COL4A3: variants seen among roughly 807,000 people sequenced by gnomAD.
COL4A3 encodes the protein collagen type IV alpha 3 chain.
COL4A3 carries 135 observed loss-of-function variants against 217.4 expected under a neutral mutation model. The ratio of observed to expected loss-of-function variants is 0.62; its 90% CI spans 0.54 to 0.72. The LOEUF (loss-of-function observed/expected upper bound fraction) is 0.72, where lower values mean the gene tolerates loss of function less well. Among genes scored for constraint, COL4A3 ranks in the 30% least tolerant of loss-of-function variants. The pLI, the probability that COL4A3 is intolerant of heterozygous loss-of-function variation, is 0.00. For synonymous variants in COL4A3, 690 were observed against 736.3 expected (o/e 0.94, Z 1.02); for missense variants, 1,868 against 2,119.9 (o/e 0.88, Z 2.33).
chr2:227,181,335 T>C (rs2065861599), intron 1 of COL4A3, among the ~76,000 whole-genome samples: 1 of 152,180 alleles, frequency 6.6e-6, no homozygotes, highest in African/African-American at 2.4e-5. Context: ...TTTGTGCACA[T>C]TTACCGAGCA....
chr2:227,231,225 C>A (rs2068385846), intron 1 of COL4A3, among the ~76,000 whole-genome samples: 1 of 152,194 alleles, frequency 6.6e-6, no homozygotes, highest in Admixed American at 6.5e-5. Context: ...AAGCCTTTCA[C>A]AATGGCTCTT....
intron 11 of COL4A3, among the ~76,000 whole-genome samples, chr2:227,252,863 A>G (rs1314367848): frequency 6.6e-6 from 1 of 152,224 alleles, no homozygotes; most frequent in Non-Finnish European, 1.5e-5. Context: ...TGAAGTCGGT[A>G]GCTGGAATTC....
intron 48 of COL4A3, among the ~76,000 whole-genome samples, chr2:227,308,661 G>T (rs997236992): frequency 1.3e-5 from 2 of 152,176 alleles, no homozygotes; most frequent in Non-Finnish European, 2.9e-5. Context: ...GTTCTAAATC[G>T]ATTAGAAAGA....
chr2:227,189,940 C>A (rs1298787478), intron 1 of COL4A3, among the ~76,000 whole-genome samples: 1 of 152,064 alleles, frequency 6.6e-6, no homozygotes, highest in East Asian at 1.9e-4. Context: ...GTAATTCTTC[C>A]CCCCAAATCA....
chr2:227,172,138 A>G (rs766661744), intron 1 of COL4A3, among the ~76,000 whole-genome samples: 4 of 151,728 alleles, frequency 2.6e-5, no homozygotes, highest in Non-Finnish European at 4.4e-5. Flanking sequence ...GCTTGAGCCC[A>G]CTCTCCCAAC....
intron 19 of COL4A3, among the ~76,000 whole-genome samples, chr2:227,260,705 G>A (rs186412529): frequency 1.9e-4 from 29 of 152,282 alleles, no homozygotes; most frequent in African/African-American, 6.7e-4. Flanking sequence ...ATAACCCCCA[G>A]AATATTACAG....
At chr2:227,212,492 A>C (rs2067365631) in intron 1 of COL4A3, among the ~76,000 whole-genome samples, 1 of 152,210 alleles carries the variant, frequency 6.6e-6, no homozygotes, top group African/African-American at 2.4e-5. Context: ...ATGAATGACC[A>C]ATGCACTCAG....
At chr2:227,196,609 G>C (rs10198415) in intron 1 of COL4A3, among the ~76,000 whole-genome samples, 138,546 of 152,130 alleles carry the variant, frequency 0.91, 63,188 homozygotes, top group East Asian at 1. Flanking sequence ...AAGCCACTGC[G>C]CCTGGCCGTT....
At position 227,194,072 on chromosome 2, in the gene COL4A3, G is replaced by A. The variant is rs1010500385; in HGVS notation, c.87+29259G>A. The stretch of plus-strand genomic sequence containing the variant: ...GAAGGAGAGGAGAAGGAGAAGGGAA[G>A]TAAGGAGAGAGGGAGGGAGGAAAGA... On this transcript the variant is annotated intron_variant, in intron 1 of 51. Transcript: ENST00000396578. Among the ~76,000 whole-genome samples the A allele has an allele frequency of 3.7e-3, 277 of 74,816 alleles. 1 individual carries two copies. The highest frequency in any genetic ancestry group is 6.5e-3 in the Middle Eastern group (1 of 154). The allele number at this position is 74,816 out of a possible 152,430, so 49.1% of individuals were successfully genotyped here. A position where few individuals can be genotyped will look rare whatever the true frequency, so the allele number is the denominator to read the frequency against.
chr2:227,310,661 A>C, intron 50 of COL4A3, 115 bp from the exon 51 acceptor site: 1 of 851,772 alleles, frequency 1.2e-6, no homozygotes. Context: ...GCTCATGATC[A>C]TTCCTCCCCT....
intron 37 of COL4A3, among the ~76,000 whole-genome samples, chr2:227,291,558 G>A (rs867569640): frequency 2.0e-5 from 2 of 99,246 alleles, no homozygotes; most frequent in African/African-American, 1.0e-4. Flanking sequence ...GCGAGACTCC[G>A]TCTCAAAAAA....
At chr2:227,294,919 G>A in intron 39 of COL4A3, 45 bp from the exon 40 acceptor site, 3 of 1,424,092 alleles carry the variant, frequency 2.1e-6, no homozygotes, top group Non-Finnish European at 2.9e-6. Context: ...TCCTCTTTTT[G>A]TATACCATAG....
At chr2:227,184,884 C>T (rs1335244439) in intron 1 of COL4A3, among the ~76,000 whole-genome samples, 3 of 143,544 alleles carry the variant, frequency 2.1e-5, no homozygotes, top group Admixed American at 7.1e-5. Flanking sequence ...ATGGCTGCCT[C>T]ACTGGCCTTT....
intron 1 of COL4A3, among the ~76,000 whole-genome samples, chr2:227,180,487 C>T (rs201825577): frequency 1.3e-5 from 2 of 152,150 alleles, no homozygotes; most frequent in Admixed American, 1.3e-4. Flanking sequence ...GAGCAGCATC[C>T]CCACACCCTA....
intron 24 of COL4A3, 89 bp downstream of exon 24, chr2:227,270,069 G>T: frequency 9.0e-7 from 1 of 1,114,216 alleles, no homozygotes. Flanking sequence ...CCAGTTTGGT[G>T]CCTTGCAAAC....
In COL4A3 at chr2:227,297,268, A is replaced by T. The variant is rs534944807; in HGVS notation, c.3566-406A>T. Among the ~76,000 whole-genome samples, 27 of 152,370 alleles carry T rather than the reference A, an allele frequency of 1.8e-4. No individual in the cohort carries two copies. The East Asian group carries it at 3.9e-3, about 22-fold the overall frequency. On this transcript the variant is annotated intron_variant, in intron 41 of 51. Coordinates refer to ENST00000396578, the MANE Select transcript of COL4A3 (RefSeq NM_000091.5). ...TCAGTGACTCAACAATGTCAACATG[A>T]CTAAGTTAATCAGCTGATAATAACT...
intron 1 of COL4A3, among the ~76,000 whole-genome samples, chr2:227,205,834 G>A (rs77399987): frequency 0.14 from 21,748 of 151,946 alleles, 1,689 homozygotes; most frequent in Non-Finnish European, 0.17. Context: ...AAAGACAAGG[G>A]CCCATGCCAC....
chr2:227,256,158 A>C, intron 16 of COL4A3, 88 bp downstream of exon 16: 1 of 1,368,486 alleles, frequency 7.3e-7, no homozygotes, highest in East Asian at 2.3e-5. Context: ...AAATAGTTAT[A>C]AACAAACAAA....
At chr2:227,237,553 T>C (rs1042135510) in intron 1 of COL4A3, among the ~76,000 whole-genome samples, 2 of 152,216 alleles carry the variant, frequency 1.3e-5, no homozygotes, top group African/African-American at 4.8e-5. Flanking sequence ...AATTTGCCAG[T>C]ATTTGACCAC....
Sources: allele counts gnomAD v4.1 joint callset (sites outside exome capture counted in the v4.1 genomes callset), GRCh38; gene constraint gnomAD v4.1.1; transcripts MANE v1.5; gene names NCBI Gene and HGNC (gene_info 2026-07-23, HGNC 2026-07-21).